VAV3: variants seen among roughly 807,000 people sequenced by gnomAD.
VAV3 encodes vav guanine nucleotide exchange factor 3.
A neutral mutation model predicts 131.2 loss-of-function variants in VAV3; 94 were observed. The observed-to-expected ratio is 0.72, with a 90% CI of 0.61 to 0.85. VAV3 has a LOEUF of 0.85. Ranked by LOEUF, VAV3 falls within the 40% of genes least tolerant of loss-of-function variation. The pLI, the probability that VAV3 is intolerant of heterozygous loss-of-function variation, is 0.00. For synonymous variants in VAV3, 349 were observed against 342.0 expected, an observed-to-expected ratio of 1.02 and a Z score of -0.22; for missense variants, 939 against 1,002.7, an observed-to-expected ratio of 0.94 and a Z score of 0.86.
chr1:107,587,014 C>T (rs921362086), intron 25 of VAV3, among the ~76,000 whole-genome samples: 4 of 151,886 alleles, frequency 2.6e-5, no homozygotes, highest in Admixed American at 6.6e-5. Context: ...TGTTACAGAA[C>T]GTTTAAAAAA....
At chr1:107,900,088 T>G (rs1019450749) in intron 1 of VAV3, among the ~76,000 whole-genome samples, 3 of 152,230 alleles carry the variant, frequency 2.0e-5, no homozygotes. Context: ...AACTCAATCC[T>G]GCACTAAACA....
At chr1:107,593,907 A>G (rs1305867715) in intron 25 of VAV3, among the ~76,000 whole-genome samples, 2 of 152,158 alleles carry the variant, frequency 1.3e-5, no homozygotes, top group Non-Finnish European at 2.9e-5. Context: ...TAGAAGTTGT[A>G]GAGTCAGCAG....
chr1:107,730,307 C>T (rs1054243165), intron 15 of VAV3, among the ~76,000 whole-genome samples: 1 of 152,136 alleles, frequency 6.6e-6, no homozygotes. Flanking sequence ...TGGAAAGAAA[C>T]ACACATATTT....
intron 1 of VAV3, among the ~76,000 whole-genome samples, chr1:107,921,525 T>C (rs1672897729): frequency 6.6e-6 from 1 of 152,196 alleles, no homozygotes; most frequent in Admixed American, 6.5e-5. Flanking sequence ...ACATACGGCC[T>C]GGACACAGTA....
rs778305340 is a variant in VAV3, at chr1:107,785,518, C to T, written c.322-6026G>A. On this transcript the variant is annotated intron_variant, in intron 2 of 26. Transcript: ENST00000370056. ...GCATGCTAGAGCCCCAAATGCAAGA[C>T]GAGCTTGGGGGTTCAAGAAGGGGTC... The T allele has an allele frequency of 5.5e-5, 71 of 1,300,256 alleles. No homozygotes were observed. The East Asian group carries it at 1.6e-3, about 29-fold the overall frequency. The allele number at this position is 1,300,256 out of a possible 1,614,324, so 80.5% of individuals were successfully genotyped here. A position where few individuals can be genotyped will look rare whatever the true frequency, so the allele number is the denominator to read the frequency against.
At chr1:107,792,037 A>G (rs1666311560) in intron 2 of VAV3, among the ~76,000 whole-genome samples, 1 of 152,180 alleles carries the variant, frequency 6.6e-6, no homozygotes, top group Non-Finnish European at 1.5e-5. Flanking sequence ...TTTAATTACA[A>G]TTTGACTTAT....
intron 2 of VAV3, among the ~76,000 whole-genome samples, chr1:107,788,201 T>C (rs1001600822): frequency 1.3e-5 from 2 of 152,094 alleles, no homozygotes; most frequent in Non-Finnish European, 2.9e-5. Flanking sequence ...TTGGCTACCA[T>C]AGAGGTTGTA....
rs1476928454 is a variant in VAV3 at position 107,591,454 on chromosome 1, T to C, written c.2350+4758A>G. ...ATGAATAAATGAATGAATGAATGAA[T>C]GAAGCAAATCCAATGAGGTCACAGG... On this transcript the variant is annotated intron_variant, in intron 25 of 26. Transcript: ENST00000370056. 3.9e-5 allele frequency among the ~76,000 whole-genome samples: 6 copies of C among 152,136 alleles called. No individual in the cohort carries two copies. The South Asian group carries it at 8.3e-4, about 21-fold the overall frequency.
chr1:107,679,259 C>G (rs1223524508), intron 19 of VAV3, among the ~76,000 whole-genome samples: 2 of 152,078 alleles, frequency 1.3e-5, no homozygotes, highest in Non-Finnish European at 2.9e-5. Flanking sequence ...TTTTCTAAGC[C>G]ACATGCAACT....
At chr1:107,814,113 T>C (rs895761607) in intron 2 of VAV3, among the ~76,000 whole-genome samples, 1 of 151,958 alleles carries the variant, frequency 6.6e-6, no homozygotes, top group Admixed American at 6.6e-5. Flanking sequence ...GCAATACACA[T>C]GGGGGTGCAG....
chr1:107,695,261 T>C (rs1461648816), intron 17 of VAV3, among the ~76,000 whole-genome samples: 1 of 152,062 alleles, frequency 6.6e-6, no homozygotes, highest in Non-Finnish European at 1.5e-5. Context: ...TAAAGTACAG[T>C]ATGTGAAAGA....
At chr1:107,787,978 G>A (rs746461259) in intron 2 of VAV3, among the ~76,000 whole-genome samples, 6 of 151,880 alleles carry the variant, frequency 4.0e-5, no homozygotes, top group Non-Finnish European at 5.9e-5. Context: ...TCCTTCACCT[G>A]GCCAGACATT....
intron 17 of VAV3, among the ~76,000 whole-genome samples, chr1:107,692,135 T>C (rs1252120629): frequency 1.3e-5 from 2 of 152,136 alleles, no homozygotes; most frequent in Admixed American, 1.3e-4. Context: ...TCATCGTGAC[T>C]AAAGTGCTAT....
chr1:107,860,783 C>G (rs1016589522), intron 2 of VAV3, among the ~76,000 whole-genome samples: 2 of 151,594 alleles, frequency 1.3e-5, no homozygotes, highest in African/African-American at 4.8e-5. Context: ...GCAGTCCCGG[C>G]TACTCAGGAG....
At chr1:107,917,170 A>T (rs1305467643) in intron 1 of VAV3, among the ~76,000 whole-genome samples, 1 of 152,152 alleles carries the variant, frequency 6.6e-6, no homozygotes, top group African/African-American at 2.4e-5. Flanking sequence ...AGCAGAGGCC[A>T]CTGCTGCAAG....
chr1:107,805,701 T>C (rs193113658), intron 2 of VAV3, among the ~76,000 whole-genome samples: 93 of 152,332 alleles, frequency 6.1e-4, no homozygotes, highest in African/African-American at 2.1e-3. Context: ...CATGGTTCCC[T>C]GTTTACTATT....
chr1:107,911,916 C>T (rs1393110114), intron 1 of VAV3, among the ~76,000 whole-genome samples: 6 of 152,182 alleles, frequency 3.9e-5, no homozygotes, highest in Non-Finnish European at 7.4e-5. Flanking sequence ...CTGCAAACAG[C>T]GCTGATTTAA....
chr1:107,673,689 G>A (rs140642813), intron 19 of VAV3: 1 of 152,084 alleles, frequency 6.6e-6, no homozygotes, highest in Non-Finnish European at 1.5e-5. Context: ...AGAGTTGAAA[G>A]AACAAATGAA....
chr1:107,631,634 C>T (rs1192532575), intron 20 of VAV3, among the ~76,000 whole-genome samples: 2 of 112,770 alleles, frequency 1.8e-5, no homozygotes, highest in African/African-American at 6.7e-5. Context: ...CCCCTCCCCC[C>T]ACCCCACAAC....
Sources: gnomAD v4.1 joint callset for allele counts (sites outside exome capture counted in the v4.1 genomes callset) on GRCh38, gnomAD v4.1.1 for gene constraint, MANE v1.5 for transcripts, NCBI Gene and HGNC (gene_info 2026-07-23, HGNC 2026-07-21) for gene names.